Variants in MPZL1 observed in about 807,000 individuals in gnomAD.
The protein encoded by MPZL1 is myelin protein zero like 1, also known as myelin protein zero-like protein 1.
A neutral mutation model predicts 29.3 loss-of-function variants in MPZL1; 16 were observed. That is an observed-to-expected ratio of 0.55 (90% CI 0.37 to 0.83). MPZL1 has a LOEUF of 0.83. Ranked by LOEUF, MPZL1 falls within the 40% of genes least tolerant of loss-of-function variation. The pLI is 0.00. For synonymous variants in MPZL1, 143 were observed against 132.0 expected, an observed-to-expected ratio of 1.08 and a Z score of -0.57; for missense variants, 279 against 332.9, an observed-to-expected ratio of 0.84 and a Z score of 1.26.
intron 5 of MPZL1, among the ~76,000 whole-genome samples, chr1:167,779,477 T>G (rs528479348): frequency 4.0e-5 from 6 of 151,704 alleles, no homozygotes; most frequent in African/African-American, 1.5e-4. Flanking sequence ...CCCAGCTACT[T>G]GGGAGGCCAA....
rs771012047 is a variant in MPZL1 at position 167,765,681 on chromosome 1, A to G, written c.190A>G (p.Ser64Gly). 1.2e-6 allele frequency: 2 copies of G among 1,613,622 alleles called. No individual in the cohort carries two copies. Among genetic ancestry groups the G allele is most frequent in the African/African-American group, 1.3e-5 (1 of 75,028 alleles). Residue 64 changes from serine to glycine, a missense_variant, in exon 2 of 6, where the codon AGT (serine) becomes GGT (glycine). Physicochemically the swap from Ser to Gly is moderately conservative, Grantham distance 56. Transcript: ENST00000359523. ...GCTGACCTGCAAGTTCAAGTCTACT[A>G]GTACGACTGGCGGGTTGACCTCAGT... ...GKLTCKFKST[S>G]TTGGLTSVSW...
intron 1 of MPZL1, among the ~76,000 whole-genome samples, chr1:167,743,256 G>C (rs1660572087): frequency 6.6e-6 from 1 of 151,776 alleles, no homozygotes; most frequent in Non-Finnish European, 1.5e-5. Flanking sequence ...CTGTCGCCAG[G>C]CTGGATTGCA....
chr1:167,753,692 C>T (rs1395725052), intron 1 of MPZL1, among the ~76,000 whole-genome samples: 2 of 151,638 alleles, frequency 1.3e-5, no homozygotes, highest in East Asian at 1.9e-4. Flanking sequence ...TGCAGCGGTG[C>T]GATCTCGGCT....
intron 1 of MPZL1, among the ~76,000 whole-genome samples, chr1:167,742,393 T>A (rs979238175): frequency 3.9e-5 from 6 of 152,110 alleles, no homozygotes; most frequent in Non-Finnish European, 7.4e-5. Flanking sequence ...ATCGCCTAAC[T>A]ATATTATGGG....
Position 167,786,167 on chromosome 1 carries a change from T to C in MPZL1, c.709-1653T>C, listed in dbSNP as rs140371731. On this transcript the variant is annotated intron_variant, in intron 5 of 5. Transcript: ENST00000359523. ...AACTTGTAGCTTTCTGAGATGAATA[T>C]AGAGGGTCTGTATGATTATTAACCA... 8.2e-4 allele frequency among the ~76,000 whole-genome samples: 125 copies of C among 152,300 alleles called. 2 individuals carry two copies. Among genetic ancestry groups the C allele is most frequent in the African/African-American group, 3.0e-3 (123 of 41,564 alleles).
chr1:167,767,585 C>T (rs1661143059), intron 2 of MPZL1, among the ~76,000 whole-genome samples: 1 of 152,204 alleles, frequency 6.6e-6, no homozygotes, highest in African/African-American at 2.4e-5. Context: ...CAGTTATTGA[C>T]ATAGGATCCT....
At chr1:167,748,152 TG>T (rs1660685418) in intron 1 of MPZL1, among the ~76,000 whole-genome samples, 1 of 152,240 alleles carries the variant, frequency 6.6e-6, no homozygotes, top group Non-Finnish European at 1.5e-5. Context: ...TTTTCTCTTG[TG>T]TATATACTTA....
At chr1:167,728,645 C>CA (rs1273024549) in intron 1 of MPZL1, among the ~76,000 whole-genome samples, 1 of 147,886 alleles carries the variant, frequency 6.8e-6, no homozygotes, top group African/African-American at 2.5e-5. Flanking sequence ...CTTCTAAACT[C>CA]AGAGTCTCTA....
intron 5 of MPZL1, among the ~76,000 whole-genome samples, chr1:167,785,514 G>T (rs1181816102): frequency 6.6e-6 from 1 of 152,192 alleles, no homozygotes; most frequent in African/African-American, 2.4e-5. Context: ...TAGAGAAACA[G>T]ATTTCTACTC....
chr1:167,760,881 T>C (rs538942271), intron 1 of MPZL1, among the ~76,000 whole-genome samples: 1 of 151,614 alleles, frequency 6.6e-6, no homozygotes, highest in African/African-American at 2.4e-5. Flanking sequence ...TGATCTGGGC[T>C]CTTAATCATA....
intron 1 of MPZL1, among the ~76,000 whole-genome samples, chr1:167,748,767 A>G (rs1019900561): frequency 2.0e-5 from 3 of 152,012 alleles, no homozygotes; most frequent in Non-Finnish European, 4.4e-5. Context: ...CTTTAAGTCT[A>G]TGTTTTATTT....
At chr1:167,755,981 TC>T (rs1446386948) in intron 1 of MPZL1, among the ~76,000 whole-genome samples, 1 of 152,176 alleles carries the variant, frequency 6.6e-6, no homozygotes, top group Non-Finnish European at 1.5e-5. Context: ...AGTGATTAGT[TC>T]AGTGACTGGC....
intron 2 of MPZL1, 191 bp downstream of exon 2, chr1:167,765,940 T>C: frequency 2.4e-6 from 1 of 420,532 alleles, no homozygotes; most frequent in Non-Finnish European, 4.1e-6. Flanking sequence ...CTGGTTTCCT[T>C]GTCTTTGATC....
At chr1:167,738,161 T>C (rs867390330) in intron 1 of MPZL1, among the ~76,000 whole-genome samples, 9 of 152,126 alleles carry the variant, frequency 5.9e-5, no homozygotes, top group South Asian at 2.1e-4. Context: ...CCTGACCTCG[T>C]GATCCGCCCG....
chr1:167,734,611 G>A (rs74120648), intron 1 of MPZL1, among the ~76,000 whole-genome samples: 109 of 152,218 alleles, frequency 7.2e-4, no homozygotes, highest in African/African-American at 2.4e-3. Flanking sequence ...TAGAGTATGT[G>A]CACCTTCATG....
In MPZL1 at chr1:167,733,144, A is replaced by G. The variant is rs79627666; in HGVS notation, c.91+10902A>G. 2.2e-3 allele frequency among the ~76,000 whole-genome samples: 333 copies of G among 152,298 alleles called. 8 individuals carry two copies. The East Asian group carries it at 0.045, about 21-fold the overall frequency. ...TAAGAATTTAGTAGGTTTCCTATCT[A>G]TTTCACTTGTAGGAATACCGTGACC... On this transcript the variant is annotated intron_variant, in intron 1 of 5. Coordinates refer to ENST00000359523, the MANE Select transcript of MPZL1 (RefSeq NM_003953.6).
rs191727923 is a variant in MPZL1 at position 167,736,922 on chromosome 1, T to C, written c.91+14680T>C. On this transcript the variant is annotated intron_variant, in intron 1 of 5. Coordinates refer to ENST00000359523, the MANE Select transcript of MPZL1 (RefSeq NM_003953.6). ...CTTAGGTCTGCCATCCCCTTCCTTG[T>C]ACTTTATTGATTTTTTGCAACATTT... Among the ~76,000 whole-genome samples, 29 of 152,288 alleles carry C rather than the reference T, an allele frequency of 1.9e-4. 1 individual carries two copies. Among genetic ancestry groups the C allele is most frequent in the Admixed American group, 1.3e-3 (20 of 15,300 alleles).
intron 1 of MPZL1, among the ~76,000 whole-genome samples, chr1:167,749,531 A>C (rs1302630918): frequency 6.6e-6 from 1 of 152,218 alleles, no homozygotes; most frequent in Non-Finnish European, 1.5e-5. Context: ...TAAACAAAAA[A>C]AGGCTAATAG....
intron 1 of MPZL1, among the ~76,000 whole-genome samples, chr1:167,759,448 C>T (rs1007781791): frequency 1.3e-5 from 2 of 152,200 alleles, no homozygotes; most frequent in Middle Eastern, 3.2e-3. Flanking sequence ...CCAGTGAACT[C>T]ATCCCTTGCT....
Sources: gnomAD v4.1 joint callset for allele counts (sites outside exome capture counted in the v4.1 genomes callset) on GRCh38, gnomAD v4.1.1 for gene constraint, MANE v1.5 for transcripts, NCBI Gene and HGNC (gene_info 2026-07-23, HGNC 2026-07-21) for gene names.